AQR: variants seen among roughly 807,000 people sequenced by gnomAD.
AQR encodes the protein RNA helicase aquarius.
Under a neutral mutation model 180.5 loss-of-function variants are expected in AQR, and 61 were observed. The observed-to-expected ratio is 0.34, with a 90% CI of 0.28 to 0.42. The LOEUF (loss-of-function observed/expected upper bound fraction) is 0.42, where lower values mean the gene tolerates loss of function less well. Ranked by LOEUF, AQR falls within the 10% of genes least tolerant of loss-of-function variation. AQR has a pLI of 1.00. For missense variants in AQR, 1,281 were observed against 1,798.3 expected, an observed-to-expected ratio of 0.71 and a Z score of 5.20; for synonymous variants, 551 against 588.8, an observed-to-expected ratio of 0.94 and a Z score of 0.93.
At chr15:34,937,694 G>A (rs555905791) in intron 9 of AQR, among the ~76,000 whole-genome samples, 3 of 151,626 alleles carry the variant, frequency 2.0e-5, no homozygotes, top group South Asian at 4.2e-4. Context: ...GACCAGCCTG[G>A]CCAACATGGT....
In AQR at chr15:34,934,618, T is replaced by C. The variant is rs1388699919; in HGVS notation, c.736A>G (p.Lys246Glu). 2 of 1,584,750 alleles carry C rather than the reference T, an allele frequency of 1.3e-6. No homozygotes were observed. The highest frequency in any genetic ancestry group is 1.7e-6 in the Non-Finnish European group (2 of 1,168,648). Residue 246 changes from lysine to glutamate, a missense_variant, in exon 10 of 35, where the codon AAA becomes GAA. Physicochemically the swap from Lys to Glu is moderately conservative, Grantham distance 56 (BLOSUM62 1). Transcript: ENST00000156471. ...ATGAATCTTTCACAGTAATGAACTT[T>C]GTCCATAGTGACAGGTTCTAGACAT... ...VPLSEPVTMD[K>E]VHYCERFIEL...
At chr15:34,869,920 T>C (rs1442205018) in intron 31 of AQR, 1 of 152,218 alleles carries the variant, frequency 6.6e-6, no homozygotes, top group Non-Finnish European at 1.5e-5. Flanking sequence ...CTGGAGCATG[T>C]ATCCTATCTA....
intron 12 of AQR, among the ~76,000 whole-genome samples, chr15:34,927,779 T>C (rs1408432254): frequency 6.6e-6 from 1 of 152,250 alleles, no homozygotes; most frequent in Non-Finnish European, 1.5e-5. Context: ...ATGTGTTCCA[T>C]GGTGGATGAC....
intron 22 of AQR, among the ~76,000 whole-genome samples, chr15:34,895,181 A>AAT: frequency 2.3e-5 from 1 of 43,346 alleles, no homozygotes; most frequent in South Asian, 1.0e-3. Flanking sequence ...AAAAAAAAAA[A>AAT]AAAAAAATAT....
At chr15:34,891,482 G>A (rs1036090460) in intron 23 of AQR, among the ~76,000 whole-genome samples, 1 of 152,086 alleles carries the variant, frequency 6.6e-6, no homozygotes, top group Non-Finnish European at 1.5e-5. Flanking sequence ...CAATCAATTC[G>A]ATGGGCATCA....
intron 9 of AQR, among the ~76,000 whole-genome samples, chr15:34,936,596 G>C (rs916494392): frequency 6.6e-6 from 1 of 151,948 alleles, no homozygotes; most frequent in African/African-American, 2.4e-5. Flanking sequence ...TGCACCTGTA[G>C]TACCAGCTAC....
intron 3 of AQR, among the ~76,000 whole-genome samples, chr15:34,958,406 C>T (rs926335894): frequency 1.3e-5 from 2 of 152,064 alleles, no homozygotes; most frequent in Admixed American, 6.6e-5. Flanking sequence ...GTGCCAGCTA[C>T]TCGGGAGGCT....
At chr15:34,879,605 A>T (rs2140465732) in intron 27 of AQR, among the ~76,000 whole-genome samples, 1 of 152,300 alleles carries the variant, frequency 6.6e-6, no homozygotes. Context: ...AACTTGTAAT[A>T]GGAGCTTTTT....
At chr15:34,874,894 A>C in intron 28 of AQR, 30 bp from the exon 29 acceptor site, 1 of 1,591,224 alleles carries the variant, frequency 6.3e-7, no homozygotes, top group Non-Finnish European at 8.6e-7. Flanking sequence ...AAATGGCAAA[A>C]TACTCTATTA....
intron 25 of AQR, 24 bp downstream of exon 25, chr15:34,886,502 A>T: frequency 6.3e-7 from 1 of 1,583,906 alleles, no homozygotes; most frequent in South Asian, 1.2e-5. Context: ...ATGAAGTATG[A>T]TTCAAAAACC....
chr15:34,870,736 A>G lies in AQR; in HGVS notation c.3768+16T>C. The G allele has an allele frequency of 1.2e-6, 2 of 1,601,972 alleles. No individual in the cohort carries two copies. The highest frequency in any genetic ancestry group is 2.2e-5 in the South Asian group (2 of 89,674). ...AAAATGATGAATAAGAGAACATATT[A>G]TAATTATAAAAGTACCTTGTTTGGT... On this transcript the variant is annotated intron_variant, in intron 31 of 34. Coordinates refer to ENST00000156471, the MANE Select transcript of AQR (RefSeq NM_014691.3).
chr15:34,857,120 A>C lies in AQR; in HGVS notation c.4144-14T>G. ...TTGTAATAAAGTCTAATTAAAAAAA[A>C]AAAAACAAAGACAATACCAATATGA... On this transcript the variant is annotated splice_polypyrimidine_tract_variant and intron_variant, in intron 34 of 34. Transcript: ENST00000156471. 1 of 1,537,836 alleles carries C rather than the reference A, an allele frequency of 6.5e-7. No individual in the cohort carries two copies. Among genetic ancestry groups the C allele is most frequent in the African/African-American group, 1.4e-5 (1 of 71,892 alleles).
chr15:34,860,647 A>C (rs1462940711), intron 33 of AQR, among the ~76,000 whole-genome samples: 1 of 152,240 alleles, frequency 6.6e-6, no homozygotes, highest in Non-Finnish European at 1.5e-5. Context: ...TGCTCCAAAG[A>C]CAGTTCTTAA....
intron 23 of AQR, among the ~76,000 whole-genome samples, chr15:34,891,610 T>C (rs1009723750): frequency 6.6e-6 from 1 of 152,128 alleles, no homozygotes; most frequent in East Asian, 1.9e-4. Context: ...AATCATAAAG[T>C]AGAGGATAAC....
chr15:34,941,103 G>C, intron 7 of AQR, 104 bp from the exon 8 acceptor site: 1 of 657,100 alleles, frequency 1.5e-6, no homozygotes, highest in South Asian at 2.4e-5. Flanking sequence ...GTACAAAATA[G>C]AGCAATCTGA....
chr15:34,908,701 T>C (rs1484453276), intron 17 of AQR, among the ~76,000 whole-genome samples: 1 of 152,222 alleles, frequency 6.6e-6, no homozygotes, highest in East Asian at 1.9e-4. Flanking sequence ...CATGTCCTTC[T>C]GAAAGCAGTC....
chr15:34,948,985 C>T (rs1894173019), intron 4 of AQR, among the ~76,000 whole-genome samples: 1 of 151,824 alleles, frequency 6.6e-6, no homozygotes, highest in African/African-American at 2.4e-5. Flanking sequence ...TATTCCCTTA[C>T]TTAAGGCTTT....
rs1892558768 is a variant in AQR, at chr15:34,854,406, C to T, written c.*2386G>A. 6.6e-6 allele frequency: 1 copy of T among 152,198 alleles called. No individual in the cohort carries two copies. Among genetic ancestry groups the T allele is most frequent in the African/African-American group, 2.4e-5 (1 of 41,458 alleles). 9.4% of individuals were successfully genotyped at this position (152,198 alleles called of 1,614,324 possible). A position where few individuals can be genotyped will look rare whatever the true frequency, so the allele number is the denominator to read the frequency against. ...CTCTTGAATTTATTAAGCAATCCCT[C>T]ATGTGTGCTTGATTGAAAAAATAAA... On this transcript the variant is annotated 3_prime_UTR_variant, in exon 35 of 35. Transcript: ENST00000156471.
Position 34,884,537 on chromosome 15 carries a change from A to G in AQR, c.3015T>C (p.Phe1005=), listed in dbSNP as rs757209397. 6.3e-7 allele frequency: 1 copy of G among 1,591,778 alleles called. No homozygotes were observed. The highest frequency in any genetic ancestry group is 1.2e-5 in the South Asian group (1 of 86,292). The change falls in exon 26 of 35, where the codon TTT becomes TTC. Residue 1005 remains phenylalanine, a synonymous_variant. Coordinates refer to ENST00000156471, the MANE Select transcript of AQR (RefSeq NM_014691.3). ...EGCFRHIKKI[F]TQLEEFRASE... ...TGAGAATCCTTACCTCAAGCTGCGT[A>G]AAGATTTTCTTAATATGCCTGAAAC...
Sources: gnomAD v4.1 joint callset for allele counts (sites outside exome capture counted in the v4.1 genomes callset) on GRCh38, gnomAD v4.1.1 for gene constraint, MANE v1.5 for transcripts, NCBI Gene and HGNC (gene_info 2026-07-23, HGNC 2026-07-21) for gene names.